EIF4ENIF1: variants seen among roughly 807,000 people sequenced by gnomAD.
EIF4ENIF1 encodes eukaryotic translation initiation factor 4E transporter.
EIF4ENIF1 carries 23 observed loss-of-function variants against 110.5 expected under a neutral mutation model. That is an observed-to-expected ratio of 0.21 (90% CI 0.15 to 0.29). The LOEUF is 0.29. EIF4ENIF1 is among the 10% of genes least tolerant of loss of function. EIF4ENIF1 has a pLI of 1.00. For synonymous variants in EIF4ENIF1, 440 were observed against 437.0 expected (o/e 1.01, Z -0.09); for missense variants, 1,031 against 1,221.1 (o/e 0.84, Z 2.32).
chr22:31,447,563 C>T lies in EIF4ENIF1; in HGVS notation c.1851G>A (p.Met617Ile). Residue 617 changes from methionine (M) to isoleucine (I), a missense_variant and splice_region_variant, in exon 14 of 19, where the codon ATG becomes ATA. Physicochemically the swap from Met to Ile is conservative, Grantham distance 10. Around this residue, in one of 3 missense-constraint regions of EIF4ENIF1, gnomAD observed 704 missense variants for 879.7 expected, o/e 0.80. Coordinates refer to ENST00000330125, the MANE Select transcript of EIF4ENIF1 (RefSeq NM_019843.4). ...RKPMSPITAQMSQLELQQAAL... is the reference protein window; with the variant it reads ...RKPMSPITAQISQLELQQAAL... ...CTGCCTGTTGCAACTCCAGCTGGCTCATCTGCTGAAAAGGAGAGGGGAGGG... is the reference window on the plus strand; with the variant it reads ...CTGCCTGTTGCAACTCCAGCTGGCTTATCTGCTGAAAAGGAGAGGGGAGGG... The T allele has an allele frequency of 6.2e-7, 1 of 1,601,892 alleles. No homozygotes were observed.
At chr22:31,485,286 C>T (rs758206924) in intron 2 of EIF4ENIF1, among the ~76,000 whole-genome samples, 18 of 152,152 alleles carry the variant, frequency 1.2e-4, no homozygotes, top group African/African-American at 1.7e-4. Context: ...CATTTATCTA[C>T]GTATGACAGA....
downstream of EIF4ENIF1, among the ~76,000 whole-genome samples, chr22:31,438,293 AACTGT>A (rs1427988368): frequency 6.6e-6 from 1 of 152,238 alleles, no homozygotes; most frequent in African/African-American, 2.4e-5. Context: ...GGGGACTCAG[AACTGT>A]ACTGTATTCT....
Position 31,468,796 on chromosome 22 carries a change from T to TTGA in EIF4ENIF1, c.171-497_171-495dup, listed in dbSNP as rs144722347. On this transcript the variant is annotated intron_variant, in intron 3 of 18. Transcript: ENST00000330125. ...CTATTAATTCAGTAATGCTTTGTTG[T>TTGA]TGATCACACAACACCAACAGTCACT... 8.0e-4 allele frequency among the ~76,000 whole-genome samples: 122 copies of TTGA among 152,336 alleles called. 1 individual carries two copies. In the East Asian group the frequency reaches 0.019, roughly 24 times the overall value.
intron 2 of EIF4ENIF1, among the ~76,000 whole-genome samples, chr22:31,477,019 C>G (rs1365646059): frequency 6.7e-6 from 1 of 149,752 alleles, no homozygotes; most frequent in Non-Finnish European, 1.5e-5. Context: ...TGGTGGCATG[C>G]CTATTGTCCA....
At chr22:31,444,234 C>A (rs1295735644) in intron 15 of EIF4ENIF1, among the ~76,000 whole-genome samples, 1 of 152,164 alleles carries the variant, frequency 6.6e-6, no homozygotes, top group African/African-American at 2.4e-5. Context: ...AACTCCCCTG[C>A]AAGTTTCAAT....
intron 7 of EIF4ENIF1, among the ~76,000 whole-genome samples, chr22:31,456,393 T>G (rs1033328476): frequency 2.0e-5 from 3 of 151,678 alleles, no homozygotes; most frequent in Admixed American, 6.6e-5. Context: ...CCGGCTAATT[T>G]TTTGTATTTT....
chr22:31,462,429 G>A (rs2051026511), intron 6 of EIF4ENIF1, among the ~76,000 whole-genome samples: 1 of 151,370 alleles, frequency 6.6e-6, no homozygotes, highest in Non-Finnish European at 1.5e-5. Flanking sequence ...AGGCTGCAGT[G>A]AGCTGAGATG....
At chr22:31,481,643 G>T (rs2051820049) in intron 2 of EIF4ENIF1, among the ~76,000 whole-genome samples, 1 of 152,058 alleles carries the variant, frequency 6.6e-6, no homozygotes, top group African/African-American at 2.4e-5. Flanking sequence ...CTTTTCTCTG[G>T]GGATTGGCTT....
At chr22:31,438,632 GGTCA>G, downstream of EIF4ENIF1, among the ~76,000 whole-genome samples, 1 of 152,200 alleles carries the variant, frequency 6.6e-6, no homozygotes. Flanking sequence ...CTATCTATAG[GGTCA>G]GTCCAGTATA....
In EIF4ENIF1 at chr22:31,470,276, G is replaced by T. The variant is rs548246194; in HGVS notation, c.170+1568C>A. ...TGGTATGAGGCATCCAGGTTTTTTTGTTGTTGTTGTTTTGTTTTTTTTGAG... is the reference window on the plus strand; with the variant it reads ...TGGTATGAGGCATCCAGGTTTTTTTTTTGTTGTTGTTTTGTTTTTTTTGAG... On this transcript the variant is annotated intron_variant, in intron 3 of 18. Coordinates refer to ENST00000330125, the MANE Select transcript of EIF4ENIF1 (RefSeq NM_019843.4). Among the ~76,000 whole-genome samples the T allele has an allele frequency of 3.1e-3, 472 of 150,238 alleles. 2 individuals are homozygous for T. The highest frequency in any genetic ancestry group is 5.6e-3 in the Non-Finnish European group (381 of 67,738).
chr22:31,492,455 G>T (rs2052293730), upstream of EIF4ENIF1, among the ~76,000 whole-genome samples: 1 of 152,192 alleles, frequency 6.6e-6, no homozygotes, highest in African/African-American at 2.4e-5. Flanking sequence ...CTAATTTCCT[G>T]AGCCCTCTGG....
chr22:31,460,734 C>G (rs917792807), intron 6 of EIF4ENIF1, among the ~76,000 whole-genome samples: 2 of 151,898 alleles, frequency 1.3e-5, no homozygotes, highest in African/African-American at 4.8e-5. Context: ...ATCACGAGGT[C>G]AGGAGATCGA....
chr22:31,455,678 G>A (rs978915833), intron 8 of EIF4ENIF1, among the ~76,000 whole-genome samples, 174 bp downstream of exon 8: 3 of 152,048 alleles, frequency 2.0e-5, no homozygotes, highest in Non-Finnish European at 2.9e-5. Context: ...GATTACAGGC[G>A]TGAGCCACTG....
At position 31,464,258 on chromosome 22, in the gene EIF4ENIF1, C is replaced by T. The variant is rs541044386; in HGVS notation, c.299-291G>A. On this transcript the variant is annotated intron_variant, in intron 4 of 18. Coordinates refer to ENST00000330125, the MANE Select transcript of EIF4ENIF1 (RefSeq NM_019843.4). ...CAAATCCTTATCTAAGAATTATTAGCAAATGTTTTGTCAACTAATAAACTA... is the reference window on the plus strand; with the variant it reads ...CAAATCCTTATCTAAGAATTATTAGTAAATGTTTTGTCAACTAATAAACTA... The T allele has an allele frequency of 3.2e-5, 10 of 312,280 alleles. No individual in the cohort carries two copies. In the Admixed American group the frequency reaches 3.8e-4, roughly 12 times the overall value. 19.3% of individuals were successfully genotyped at this position (312,280 alleles called of 1,614,324 possible). A position where few individuals can be genotyped will look rare whatever the true frequency, so the allele number is the denominator to read the frequency against.
At chr22:31,446,018 G>A (rs897918358) in intron 14 of EIF4ENIF1, among the ~76,000 whole-genome samples, 15 of 149,426 alleles carry the variant, frequency 1.0e-4, no homozygotes, top group South Asian at 4.2e-4. Flanking sequence ...GGCCAGGTGC[G>A]GTGGCTCATG....
At chr22:31,454,619 C>G (rs913493945) in intron 9 of EIF4ENIF1, among the ~76,000 whole-genome samples, 1 of 152,146 alleles carries the variant, frequency 6.6e-6, no homozygotes, top group African/African-American at 2.4e-5. Flanking sequence ...CTATGAAGTG[C>G]TATTCTTTAA....
intron 6 of EIF4ENIF1, among the ~76,000 whole-genome samples, chr22:31,462,279 C>T (rs546306282): frequency 3.9e-4 from 60 of 152,046 alleles, no homozygotes; most frequent in Non-Finnish European, 7.4e-4. Flanking sequence ...GTCAGGAGTT[C>T]GAGACCAGCC....
intron 3 of EIF4ENIF1, among the ~76,000 whole-genome samples, chr22:31,470,035 G>C (rs1022110581): frequency 6.6e-6 from 1 of 151,552 alleles, no homozygotes; most frequent in East Asian, 2.0e-4. Context: ...GTGGTGGTGG[G>C]TGCCTGTAAT....
intron 2 of EIF4ENIF1, among the ~76,000 whole-genome samples, chr22:31,476,930 A>G (rs1440467798): frequency 6.6e-6 from 1 of 150,702 alleles, no homozygotes; most frequent in African/African-American, 2.4e-5. Context: ...CCTGGGAGGC[A>G]GAGGTTGCAG....
Sources: gnomAD v4.1 joint callset for allele counts (sites outside exome capture counted in the v4.1 genomes callset) on GRCh38, gnomAD v4.1.1 for gene constraint, gnomAD v4.1.1 regional missense constraint, MANE v1.5 for transcripts, NCBI Gene and HGNC (gene_info 2026-07-23, HGNC 2026-07-21) for gene names.